Variants in TNPO1 observed in about 807,000 individuals in gnomAD.
TNPO1 encodes the protein transportin 1.
A neutral mutation model predicts 119.5 loss-of-function variants in TNPO1; 8 were observed. That is an observed-to-expected ratio of 0.07 (90% CI 0.04 to 0.12). The LOEUF is 0.12. TNPO1 is among the 10% of genes least tolerant of loss of function. TNPO1 has a pLI of 1.00. For missense variants in TNPO1, 576 were observed against 1,089.8 expected, an observed-to-expected ratio of 0.53 and a Z score of 6.64; for synonymous variants, 362 against 363.0, an observed-to-expected ratio of 1.00 and a Z score of 0.03.
chr5:72,834,749 C>T (rs1744619596), intron 1 of TNPO1, among the ~76,000 whole-genome samples: 1 of 152,100 alleles, frequency 6.6e-6, no homozygotes, highest in African/African-American at 2.4e-5. Context: ...CAGTATTGTC[C>T]TAGGCCTTTG....
chr5:72,832,055 G>C (rs1488957744), intron 1 of TNPO1, among the ~76,000 whole-genome samples: 1 of 151,830 alleles, frequency 6.6e-6, no homozygotes, highest in Non-Finnish European at 1.5e-5. Context: ...TAAAATCTTT[G>C]AGTATAATAC....
intron 13 of TNPO1, among the ~76,000 whole-genome samples, 165 bp from the exon 14 acceptor site, chr5:72,889,621 C>T (rs1438246993): frequency 6.6e-6 from 1 of 152,058 alleles, no homozygotes; most frequent in Non-Finnish European, 1.5e-5. Flanking sequence ...TGGAAGAAAT[C>T]GGTAAATAAT....
intron 11 of TNPO1, among the ~76,000 whole-genome samples, chr5:72,885,654 G>T (rs921327917): frequency 1.3e-5 from 2 of 151,652 alleles, no homozygotes; most frequent in African/African-American, 4.8e-5. Context: ...TAGTTGTATG[G>T]CTCTACCATG....
rs566850462 is a variant in TNPO1, at chr5:72,848,312, C to T, written c.16-73C>T. The T allele has an allele frequency of 5.6e-6, 8 of 1,434,300 alleles. No homozygotes were observed. The South Asian group carries it at 1.0e-4, about 18-fold the overall frequency. The allele number at this position is 1,434,300 out of a possible 1,614,324, so 88.8% of individuals were successfully genotyped here. The stretch of plus-strand genomic sequence containing the variant: ...GCGGGGAGAACGGGTCAGCTGCGCG[C>T]GGGAAGCCTCTGGGCCTGTGCACCG... On this transcript the variant is annotated intron_variant, in intron 1 of 24. Transcript: ENST00000337273.
At chr5:72,853,479 G>A (rs1160812384) in intron 3 of TNPO1, among the ~76,000 whole-genome samples, 4 of 152,110 alleles carry the variant, frequency 2.6e-5, no homozygotes, top group Admixed American at 2.6e-4. Context: ...AGTGGCAAGA[G>A]GGTTTGGAAG....
chr5:72,838,039 A>T (rs551045893), intron 1 of TNPO1, among the ~76,000 whole-genome samples: 1 of 152,296 alleles, frequency 6.6e-6, no homozygotes, highest in South Asian at 2.1e-4. Flanking sequence ...TGAGATTTCT[A>T]TGAAGAAATG....
chr5:72,838,373 AT>A (rs984307426), intron 1 of TNPO1, among the ~76,000 whole-genome samples: 1 of 151,818 alleles, frequency 6.6e-6, no homozygotes, highest in Non-Finnish European at 1.5e-5. Context: ...CAGTGTGCTA[AT>A]TTTTTTTTAA....
intron 20 of TNPO1, among the ~76,000 whole-genome samples, chr5:72,898,002 T>C (rs1219960502): frequency 6.6e-6 from 1 of 152,124 alleles, no homozygotes; most frequent in East Asian, 1.9e-4. Context: ...AAATTGATAA[T>C]GTTTATTGGT....
At chr5:72,849,666 G>T (rs1258292209) in intron 2 of TNPO1, among the ~76,000 whole-genome samples, 1 of 152,170 alleles carries the variant, frequency 6.6e-6, no homozygotes, top group South Asian at 2.1e-4. Context: ...AAGTGGAAGG[G>T]ATAATGATTT....
intron 17 of TNPO1, 33 bp downstream of exon 17, chr5:72,893,568 C>G (rs375707804): frequency 1.2e-6 from 2 of 1,614,130 alleles, no homozygotes; most frequent in South Asian, 1.1e-5. Flanking sequence ...GAATTGAAGC[C>G]TGTTTCTCTG....
chr5:72,878,172 C>T (rs1485934332), intron 9 of TNPO1, among the ~76,000 whole-genome samples: 1 of 152,040 alleles, frequency 6.6e-6, no homozygotes, highest in Admixed American at 6.5e-5. Flanking sequence ...AGAGACTGTT[C>T]TCTGCCATTG....
chr5:72,844,199 G>C (rs1745032162), intron 1 of TNPO1, among the ~76,000 whole-genome samples: 1 of 152,198 alleles, frequency 6.6e-6, no homozygotes, highest in Admixed American at 6.5e-5. Context: ...TTCTAGAATG[G>C]AAATAGCTAT....
chr5:72,830,163 G>A (rs1359674346), intron 1 of TNPO1, among the ~76,000 whole-genome samples: 2 of 152,100 alleles, frequency 1.3e-5, no homozygotes, highest in Non-Finnish European at 2.9e-5. Context: ...AAAGGATAAG[G>A]TGCTAATAAA....
chr5:72,903,825 A>G, intron 23 of TNPO1, 42 bp downstream of exon 23: 1 of 1,303,538 alleles, frequency 7.7e-7, no homozygotes, highest in South Asian at 1.3e-5. Context: ...TGAGACTGTT[A>G]ATATCCTAGT....
intron 8 of TNPO1, among the ~76,000 whole-genome samples, chr5:72,876,967 C>T (rs754352246): frequency 8.6e-5 from 13 of 151,718 alleles, no homozygotes; most frequent in African/African-American, 1.9e-4. Flanking sequence ...TGGTGGCAGG[C>T]GCCTGTAGTC....
chr5:72,851,322 A>G lies in TNPO1; in HGVS notation c.205+3A>G. On this transcript the variant is annotated splice_donor_region_variant and intron_variant, in intron 3 of 24. Transcript: ENST00000337273. ...TCTTACAAAATTAAAATCTGAAGGT[A>G]AGTAGGATTTGTATTGATAACTATT... 2.0e-6 allele frequency: 3 copies of G among 1,524,554 alleles called. No homozygotes were observed. Among genetic ancestry groups the G allele is most frequent in the Non-Finnish European group, 2.7e-6 (3 of 1,101,366 alleles). The allele number at this position is 1,524,554 out of a possible 1,614,324, so 94.4% of individuals were successfully genotyped here. A position where few individuals can be genotyped will look rare whatever the true frequency, so the allele number is the denominator to read the frequency against.
chr5:72,821,484 T>G (rs1174303767), intron 1 of TNPO1, among the ~76,000 whole-genome samples: 1 of 152,206 alleles, frequency 6.6e-6, no homozygotes, highest in Non-Finnish European at 1.5e-5. Flanking sequence ...AACTATTGAT[T>G]ATTATGCTAC....
chr5:72,878,284 G>A (rs901506721), intron 9 of TNPO1, among the ~76,000 whole-genome samples: 1 of 151,710 alleles, frequency 6.6e-6, no homozygotes, highest in Non-Finnish European at 1.5e-5. Context: ...ATAATTACTA[G>A]GAGTGATTTT....
chr5:72,883,004 A>C, intron 10 of TNPO1, 60 bp from the exon 11 acceptor site: 1 of 1,176,182 alleles, frequency 8.5e-7, no homozygotes. Context: ...TCTCTTACTC[A>C]TGTACATACT....
Sources: allele counts gnomAD v4.1 joint callset (sites outside exome capture counted in the v4.1 genomes callset), GRCh38; gene constraint gnomAD v4.1.1; transcripts MANE v1.5; gene names NCBI Gene and HGNC (gene_info 2026-07-23, HGNC 2026-07-21).